Variants in HTT observed in about 807,000 individuals in gnomAD.
HTT encodes huntington disease protein.
In HTT, 104 loss-of-function variants were observed where a neutral mutation model predicts 362.3. That is an observed-to-expected ratio of 0.29 (90% CI 0.24 to 0.34). The LOEUF is 0.34. Ranked by LOEUF, HTT falls within the 10% of genes least tolerant of loss-of-function variation. HTT has a pLI of 1.00. For missense variants in HTT, 3,301 were observed against 3,928.6 expected (o/e 0.84, Z 4.27); for synonymous variants, 1,577 against 1,548.7 (o/e 1.02, Z -0.43).
At chr4:3,137,843 G>A (rs952897972) in intron 21 of HTT, among the ~76,000 whole-genome samples, 5 of 152,220 alleles carry the variant, frequency 3.3e-5, no homozygotes, top group South Asian at 4.1e-4. Flanking sequence ...TTTTATTGGC[G>A]AAAGTATTCT....
chr4:3,135,633 A>G (rs191167485), intron 19 of HTT, among the ~76,000 whole-genome samples: 26 of 152,304 alleles, frequency 1.7e-4, no homozygotes, highest in Admixed American at 5.2e-4. Context: ...GCTTGAGCCA[A>G]TTTTATAGGG....
At chr4:3,225,771 CTCTGTCCGTT>C (rs1387175027) in intron 57 of HTT, 28 bp downstream of exon 57, 1 of 1,578,594 alleles carries the variant, frequency 6.3e-7, no homozygotes, top group African/African-American at 1.3e-5. Flanking sequence ...GCCGCCTGGC[CTCTGTCCGTT>C]TCTGTCCTCA....
At chr4:3,209,000 C>T (rs1332962315) in intron 46 of HTT, 89 bp downstream of exon 46, 5 of 1,390,096 alleles carry the variant, frequency 3.6e-6, no homozygotes, top group South Asian at 1.5e-5. Flanking sequence ...GAGGAGGTGC[C>T]GTGGACCCAA....
chr4:3,137,876 T>G (rs966495272), intron 21 of HTT, among the ~76,000 whole-genome samples: 1 of 152,242 alleles, frequency 6.6e-6, no homozygotes, highest in Admixed American at 6.5e-5. Flanking sequence ...ATACCATATT[T>G]TATCTATCCA....
chr4:3,182,620 A>G, intron 37 of HTT, 150 bp downstream of exon 37: 3 of 652,694 alleles, frequency 4.6e-6, no homozygotes, highest in Admixed American at 2.4e-5. Context: ...AGCTGACTTC[A>G]TTTCTTCTCA....
At chr4:3,151,641 T>C (rs1578541288) in intron 26 of HTT, among the ~76,000 whole-genome samples, 2 of 152,222 alleles carry the variant, frequency 1.3e-5, no homozygotes, top group South Asian at 2.1e-4. Flanking sequence ...GGTTGCATGC[T>C]CCTTATGAGA....
intron 35 of HTT, among the ~76,000 whole-genome samples, 160 bp from the exon 36 acceptor site, chr4:3,180,355 A>AT (rs969553060): frequency 7.9e-5 from 12 of 152,178 alleles, no homozygotes; most frequent in Non-Finnish European, 1.5e-4. Context: ...GACCTTCCAC[A>AT]TGGTATAATG....
chr4:3,222,881 T>G (rs972242403), intron 54 of HTT, among the ~76,000 whole-genome samples: 11 of 152,220 alleles, frequency 7.2e-5, no homozygotes, highest in African/African-American at 2.7e-4. Context: ...TTATCAGGCT[T>G]CTTGAAGTGT....
At chr4:3,127,995 C>A (rs973646108) in intron 12 of HTT, among the ~76,000 whole-genome samples, 2 of 151,908 alleles carry the variant, frequency 1.3e-5, no homozygotes, top group African/African-American at 4.8e-5. Context: ...TGCAGTGGCT[C>A]GTTCTCAGCC....
At chr4:3,199,035 T>C (rs1338590742) in intron 40 of HTT, among the ~76,000 whole-genome samples, 1 of 152,212 alleles carries the variant, frequency 6.6e-6, no homozygotes, top group Non-Finnish European at 1.5e-5. Context: ...TGTTCCTGCC[T>C]GTGTAGCTGT....
intron 2 of HTT, among the ~76,000 whole-genome samples, chr4:3,093,905 GTTTTTTTTT>G (rs67455911): frequency 4.2e-5 from 1 of 23,898 alleles, no homozygotes; most frequent in African/African-American, 1.5e-4. Context: ...CTTTAAGTTG[GTTTTTTTTT>G]TTTTTTTTTT....
In HTT at chr4:3,188,946, G is replaced by A; in HGVS notation, c.5226-5G>A. ...TTCACTGTCATCTTTTTTGTTTCTT[G>A]GAAGGTTTCTATTACAACTGGTTGG... On this transcript the variant is annotated splice_region_variant and splice_polypyrimidine_tract_variant and intron_variant, in intron 39 of 66. Transcript: ENST00000355072. 6.2e-7 allele frequency: 1 copy of A among 1,610,586 alleles called. No homozygotes were observed. The highest frequency in any genetic ancestry group is 1.1e-5 in the South Asian group (1 of 90,412).
intron 40 of HTT, among the ~76,000 whole-genome samples, chr4:3,197,944 G>A (rs947460600): frequency 1.1e-4 from 16 of 152,224 alleles, no homozygotes; most frequent in African/African-American, 3.9e-4. Context: ...GGAACAGAGG[G>A]CCCCACAGAA....
intron 47 of HTT, among the ~76,000 whole-genome samples, chr4:3,211,562 T>C (rs1020428370): frequency 2.0e-5 from 3 of 152,230 alleles, no homozygotes; most frequent in African/African-American, 7.2e-5. Flanking sequence ...TTTCAAACTT[T>C]AGGGTGGTTG....
intron 53 of HTT, among the ~76,000 whole-genome samples, chr4:3,220,672 C>T (rs1242041100): frequency 2.0e-5 from 3 of 151,998 alleles, no homozygotes; most frequent in Non-Finnish European, 4.4e-5. Flanking sequence ...CCAGTCTGAT[C>T]CTGTTGTGTC....
chr4:3,156,260 C>T (rs556460900), intron 27 of HTT, among the ~76,000 whole-genome samples: 2 of 152,144 alleles, frequency 1.3e-5, no homozygotes, highest in Non-Finnish European at 2.9e-5. Context: ...GCTGGGATTA[C>T]AGGCACATGC....
At chr4:3,132,505 G>T in intron 16 of HTT, 57 bp from the exon 17 acceptor site, 1 of 1,450,576 alleles carries the variant, frequency 6.9e-7, no homozygotes, top group African/African-American at 1.4e-5. Context: ...CTTTTGTTTC[G>T]AGTTAGAAAG....
At chr4:3,084,463 GC>G (rs1713091643) in intron 1 of HTT, among the ~76,000 whole-genome samples, 1 of 152,018 alleles carries the variant, frequency 6.6e-6, no homozygotes, top group Admixed American at 6.6e-5. Context: ...GCCAAGGTGG[GC>G]AGATCACTTG....
chr4:3,230,103 G>A lies in HTT; in HGVS notation c.8265+61G>A. 2.0e-6 allele frequency: 3 copies of A among 1,472,462 alleles called. No homozygotes were observed. The South Asian group carries it at 3.4e-5, about 17-fold the overall frequency. The allele number at this position is 1,472,462 out of a possible 1,614,324, so 91.2% of individuals were successfully genotyped here. A position where few individuals can be genotyped will look rare whatever the true frequency, so the allele number is the denominator to read the frequency against. ...AGCCACGGGGGCCCATCTGCCTTGG[G>A]ACCTGGTGTTGGCCAGAGGTGCCGG... On this transcript the variant is annotated intron_variant, in intron 60 of 66. Coordinates refer to ENST00000355072, the MANE Select transcript of HTT (RefSeq NM_001388492.1).
Sources: allele counts gnomAD v4.1 joint callset (sites outside exome capture counted in the v4.1 genomes callset), GRCh38; gene constraint gnomAD v4.1.1; transcripts MANE v1.5; gene names NCBI Gene and HGNC (gene_info 2026-07-23, HGNC 2026-07-21).